PCDHB16: variants seen among roughly 807,000 people sequenced by gnomAD.
The protein encoded by PCDHB16 is protocadherin beta-16.
For synonymous variants in PCDHB16, 444 were observed against 436.5 expected (o/e 1.02, Z -0.21); for missense variants, 1,026 against 989.9 (o/e 1.04, Z -0.49).
At position 141,184,722 on chromosome 5, in the gene PCDHB16, G is replaced by T; in HGVS notation, c.2163G>T (p.Ser721=). ...TGTGCAGGAGGAGCAGGGCGGCCTCGGTGGGCCGCTGCTCGATGCCTGAGG... is the reference window on the plus strand; with the variant it reads ...TGTGCAGGAGGAGCAGGGCGGCCTCTGTGGGCCGCTGCTCGATGCCTGAGG... ...VRLCRRSRAA[S]VGRCSMPEGP... The change falls in exon 1 of 1, where the codon TCG becomes TCT. Residue 721 remains serine (S), a synonymous_variant. Coordinates refer to ENST00000609684, the MANE Select transcript of PCDHB16 (RefSeq NM_020957.4). 5 of 1,613,990 alleles carry T rather than the reference G, an allele frequency of 3.1e-6. No homozygotes were observed. The highest frequency in any genetic ancestry group is 4.2e-6 in the Non-Finnish European group (5 of 1,180,022).
At position 141,185,118 on chromosome 5, in the gene PCDHB16, A is replaced by G; in HGVS notation, c.*228A>G. ...CATATTTACCCCGAAGAGGTGTTGC[A>G]TATAGAATCCCAATTAACAAAATAT... On this transcript the variant is annotated 3_prime_UTR_variant, in exon 1 of 1. Coordinates refer to ENST00000609684, the MANE Select transcript of PCDHB16 (RefSeq NM_020957.4). 2.3e-6 allele frequency: 3 copies of G among 1,327,876 alleles called. No homozygotes were observed. Among genetic ancestry groups the G allele is most frequent in the Non-Finnish European group, 2.9e-6 (3 of 1,035,378 alleles). 82.3% of individuals were successfully genotyped at this position (1,327,876 alleles called of 1,614,324 possible).
Position 141,184,747 on chromosome 5 carries a change from G to A in PCDHB16, c.2188G>A (p.Gly730Ser). 1 of 1,614,186 alleles carries A rather than the reference G, an allele frequency of 6.2e-7. No individual in the cohort carries two copies. Among genetic ancestry groups the A allele is most frequent in the Non-Finnish European group, 8.5e-7 (1 of 1,180,034 alleles). The part of the protein sequence containing the change: ...ASVGRCSMPE[G>S]PFPGRLVDVS... ...GGTGGGCCGCTGCTCGATGCCTGAGGGCCCCTTTCCAGGGCGTCTGGTGGA... is the reference window on the plus strand; with the variant it reads ...GGTGGGCCGCTGCTCGATGCCTGAGAGCCCCTTTCCAGGGCGTCTGGTGGA... Residue 730 changes from glycine to serine, a missense_variant, in exon 1 of 1, where the codon GGC becomes AGC. By Grantham distance (56) the Gly-to-Ser change is moderately conservative. Transcript: ENST00000609684.
rs782422312 is a variant in PCDHB16, at chr5:141,183,107, A to C, written c.548A>C (p.His183Pro). ...SPSSHFRVLI[H>P]EFRDGRKYPE... ...AGCTCTCATTTCCGGGTTCTAATCC[A>C]TGAATTCAGAGATGGCAGGAAATAC... is the stretch of plus-strand genomic sequence containing the variant. Residue 183 changes from histidine to proline, a missense_variant, in exon 1 of 1, where the codon CAT becomes CCT. Physicochemically the swap from His to Pro is moderately conservative, Grantham distance 77. Transcript: ENST00000609684. The C allele has an allele frequency of 6.2e-7, 1 of 1,614,218 alleles. No individual in the cohort carries two copies. Among genetic ancestry groups the C allele is most frequent in the Admixed American group, 1.7e-5 (1 of 60,038 alleles).
In PCDHB16 at chr5:141,183,201, G is replaced by A. The variant is rs782302044; in HGVS notation, c.642G>A (p.Ala214=). The change falls in exon 1 of 1, where the codon GCG becomes GCA. Residue 214 remains alanine, a synonymous_variant. Coordinates refer to ENST00000609684, the MANE Select transcript of PCDHB16 (RefSeq NM_020957.4). ...EEPQLRLTLT[A]LDGGSPPRSG... ...CTCAACTAAGATTAACCCTGACAGCGCTGGATGGTGGCTCTCCACCGCGAT... is the reference window on the plus strand; with the variant it reads ...CTCAACTAAGATTAACCCTGACAGCACTGGATGGTGGCTCTCCACCGCGAT... 3.7e-6 allele frequency: 6 copies of A among 1,614,030 alleles called. No individual in the cohort carries two copies. In the East Asian group the frequency reaches 1.1e-4, roughly 30 times the overall value.
rs562680095 is a variant in PCDHB16 at position 141,183,752 on chromosome 5, A to G, written c.1193A>G (p.Lys398Arg). The change falls in exon 1 of 1, where the codon AAG (lysine) becomes AGG (arginine). Residue 398 changes from lysine to arginine, a missense_variant. Coordinates refer to ENST00000609684, the MANE Select transcript of PCDHB16 (RefSeq NM_020957.4). ...CCCTTTCTTCTAAAACCTTCAGTCAAGAACTTTTACACCTTGGTAACGGAG... is the reference window on the plus strand; with the variant it reads ...CCCTTTCTTCTAAAACCTTCAGTCAGGAACTTTTACACCTTGGTAACGGAG... Reference protein sequence around the residue: ...DLPFLLKPSVKNFYTLVTERA... With the variant: ...DLPFLLKPSVRNFYTLVTERA... The G allele has an allele frequency of 7.3e-5, 118 of 1,614,186 alleles. No individual in the cohort carries two copies. In the East Asian group the frequency reaches 1.8e-3, roughly 25 times the overall value.
chr5:141,183,793 GAAGC>G lies in PCDHB16; in HGVS notation c.1238_1241del (p.Ala413GlufsTer18), dbSNP rs1311299924. On this transcript the variant is annotated frameshift_variant, in exon 1 of 1. Coordinates refer to ENST00000609684, the MANE Select transcript of PCDHB16 (RefSeq NM_020957.4). LOFTEE classifies it low-confidence loss of function (END_TRUNC). ...GGTAACGGAGAGAGCACTCGACAGA[GAAGC>G]AAGAGCTGAATATAATATCACCCTC... 1.6e-5 allele frequency: 26 copies of G among 1,614,098 alleles called. No individual in the cohort carries two copies. The highest frequency in any genetic ancestry group is 2.1e-5 in the Non-Finnish European group (25 of 1,180,040).
In PCDHB16 at chr5:141,183,255, G is replaced by A; in HGVS notation, c.696G>A (p.Val232=). 6.2e-7 allele frequency: 1 copy of A among 1,614,156 alleles called. No individual in the cohort carries two copies. The change falls in exon 1 of 1, where the codon GTG becomes GTA. Residue 232 remains valine, a synonymous_variant. Coordinates refer to ENST00000609684, the MANE Select transcript of PCDHB16 (RefSeq NM_020957.4). The stretch of plus-strand genomic sequence containing the variant: ...GAACTGCTCAGGTCCGTATTGAAGT[G>A]GTGGACATCAATGATAACGCTCCTG... The part of the protein sequence containing the change: ...RSGTAQVRIE[V]VDINDNAPEF...
Position 141,182,968 on chromosome 5 carries a change from G to A in PCDHB16, c.409G>A (p.Glu137Lys). The A allele has an allele frequency of 6.2e-7, 1 of 1,614,164 alleles. No individual in the cohort carries two copies. The highest frequency in any genetic ancestry group is 8.5e-7 in the Non-Finnish European group (1 of 1,180,006). The change falls in exon 1 of 1, where the codon GAA (glutamate) becomes AAA (lysine). Residue 137 changes from glutamate to lysine, a missense_variant. Coordinates refer to ENST00000609684, the MANE Select transcript of PCDHB16 (RefSeq NM_020957.4). ...NDHSPMFTEK[E>K]MILKIPENSP... ...CCATTCTCCCATGTTCACTGAAAAG[G>A]AAATGATTCTAAAAATACCGGAAAA...
rs1220418678 is a variant in PCDHB16 at position 141,182,694 on chromosome 5, G to A, written c.135G>A (p.Val45=). 2 of 1,610,272 alleles carry A rather than the reference G, an allele frequency of 1.2e-6. No individual in the cohort carries two copies. Among genetic ancestry groups the A allele is most frequent in the East Asian group, 4.5e-5 (2 of 44,804 alleles). Residue 45 remains valine, a synonymous_variant, in exon 1 of 1, where the codon GTG becomes GTA. Coordinates refer to ENST00000609684, the MANE Select transcript of PCDHB16 (RefSeq NM_020957.4). ...VVEETERGSF[V]ANLGKDLGLG... ...AAGAAACGGAGAGAGGCTCTTTTGT[G>A]GCAAATCTAGGAAAAGACCTGGGGT...
Position 141,183,845 on chromosome 5 carries a change from C to G in PCDHB16, c.1286C>G (p.Pro429Arg). The G allele has an allele frequency of 1.9e-6, 3 of 1,614,208 alleles. No individual in the cohort carries two copies. The highest frequency in any genetic ancestry group is 2.5e-6 in the Non-Finnish European group (3 of 1,180,052). Residue 429 changes from proline to arginine, a missense_variant, in exon 1 of 1, where the codon CCA (proline) becomes CGA (arginine). By Grantham distance (103) the Pro-to-Arg change is moderately radical. Transcript: ENST00000609684. ...ITLTVTDMGT[P>R]RLKTEHNITV... ...CTCACCGTCACAGATATGGGGACTC[C>G]AAGGCTGAAAACGGAGCACAACATA...
At position 141,182,994 on chromosome 5, in the gene PCDHB16, C is replaced by T; in HGVS notation, c.435C>T (p.Asn145=). The T allele has an allele frequency of 6.2e-7, 1 of 1,614,188 alleles. No individual in the cohort carries two copies. The highest frequency in any genetic ancestry group is 1.1e-5 in the South Asian group (1 of 91,084). Residue 145 remains asparagine, a synonymous_variant, in exon 1 of 1, where the codon AAC becomes AAT. Coordinates refer to ENST00000609684, the MANE Select transcript of PCDHB16 (RefSeq NM_020957.4). ...AAATGATTCTAAAAATACCGGAAAA[C>T]AGTCCTCTAGGAACTGAGTTCCCTC... ...EKEMILKIPE[N]SPLGTEFPLN...
In PCDHB16 at chr5:141,182,899, T is replaced by A; in HGVS notation, c.340T>A (p.Leu114Ile). ...LHFQVLMENPLEIFQAELRVI... is the reference protein window; with the variant it reads ...LHFQVLMENPIEIFQAELRVI... ...TTTCCAAGTGTTAATGGAAAACCCT[T>A]TAGAAATATTTCAGGCTGAACTGAG... is the stretch of plus-strand genomic sequence containing the variant. The change falls in exon 1 of 1, where the codon TTA (leucine) becomes ATA (isoleucine). Residue 114 changes from leucine to isoleucine, a missense_variant. By Grantham distance (5) the Leu-to-Ile change is conservative. Transcript: ENST00000609684. 6.2e-7 allele frequency: 1 copy of A among 1,614,168 alleles called. No homozygotes were observed. Among genetic ancestry groups the A allele is most frequent in the Non-Finnish European group, 8.5e-7 (1 of 1,180,016 alleles).
In PCDHB16 at chr5:141,184,014, G is replaced by T. The variant is rs1410840298; in HGVS notation, c.1455G>T (p.Gln485His). The change falls in exon 1 of 1, where the codon CAG becomes CAT. Residue 485 changes from glutamine to histidine, a missense_variant. Gln to His is a conservative substitution (Grantham distance 24). Transcript: ENST00000609684. ...ATDRDSGTNA[Q>H]VTYSLLPPQD... Reference sequence around the variant, plus strand: ...ACAGAGACTCGGGCACCAACGCCCAGGTCACCTACTCGCTGCTGCCGCCCC... The same window carrying T: ...ACAGAGACTCGGGCACCAACGCCCATGTCACCTACTCGCTGCTGCCGCCCC... 6.2e-7 allele frequency: 1 copy of T among 1,607,154 alleles called. No homozygotes were observed. Among genetic ancestry groups the T allele is most frequent in the Non-Finnish European group, 8.5e-7 (1 of 1,178,786 alleles).
In PCDHB16 at chr5:141,183,715, C is replaced by A. The variant is rs782379406; in HGVS notation, c.1156C>A (p.Gln386Lys). 2.4e-5 allele frequency: 39 copies of A among 1,614,168 alleles called. No individual in the cohort carries two copies. The highest frequency in any genetic ancestry group is 3.2e-5 in the Non-Finnish European group (38 of 1,180,028). The change falls in exon 1 of 1, where the codon CAG becomes AAG. Residue 386 changes from glutamine to lysine, a missense_variant. By Grantham distance (53) the Gln-to-Lys change is moderately conservative. Coordinates refer to ENST00000609684, the MANE Select transcript of PCDHB16 (RefSeq NM_020957.4). ...GNNGKTISSI[Q>K]EDLPFLLKPS... ...CAATGGGAAGACGATTTCCTCCATC[C>A]AGGAAGACCTTCCCTTTCTTCTAAA...
In PCDHB16 at chr5:141,183,615, C is replaced by A; in HGVS notation, c.1056C>A (p.Leu352=). ...DNPPQVTMSA[L]TSPIPENSPE... is the part of the protein sequence containing the mutation. The stretch of plus-strand genomic sequence containing the variant: ...CCCCACAGGTGACCATGTCTGCACT[C>A]ACCAGCCCCATCCCAGAGAACTCGC... Residue 352 remains leucine (L), a synonymous_variant, in exon 1 of 1, where the codon CTC becomes CTA. Coordinates refer to ENST00000609684, the MANE Select transcript of PCDHB16 (RefSeq NM_020957.4). 6.2e-7 allele frequency: 1 copy of A among 1,614,168 alleles called. No individual in the cohort carries two copies. Among genetic ancestry groups the A allele is most frequent in the Non-Finnish European group, 8.5e-7 (1 of 1,180,032 alleles).
Position 141,185,185 on chromosome 5 carries a change from T to C in PCDHB16, c.*295T>C, listed in dbSNP as rs1753692396. 3 of 1,112,406 alleles carry C rather than the reference T, an allele frequency of 2.7e-6. No individual in the cohort carries two copies. 68.9% of individuals were successfully genotyped at this position (1,112,406 alleles called of 1,614,324 possible). ...TGATGTCATTTAAAATTTTTCCGTC[T>C]TTATATTTTATTTACTTCCTATTCA... On this transcript the variant is annotated 3_prime_UTR_variant, in exon 1 of 1. Coordinates refer to ENST00000609684, the MANE Select transcript of PCDHB16 (RefSeq NM_020957.4).
rs1397032707 is a variant in PCDHB16, at chr5:141,183,914, C to T, written c.1355C>T (p.Thr452Ile). 2 of 1,614,034 alleles carry T rather than the reference C, an allele frequency of 1.2e-6. No individual in the cohort carries two copies. The highest frequency in any genetic ancestry group is 1.3e-5 in the African/African-American group (1 of 74,902). Reference sequence around the variant, plus strand: ...GTCAATGATAACGCCCCCACTTTCACCCAAACCTCCTACACCCTGTTCGTC... The same window carrying T: ...GTCAATGATAACGCCCCCACTTTCATCCAAACCTCCTACACCCTGTTCGTC... Reference protein sequence around the residue: ...SDVNDNAPTFTQTSYTLFVRE... With the variant: ...SDVNDNAPTFIQTSYTLFVRE... The change falls in exon 1 of 1, where the codon ACC (threonine) becomes ATC (isoleucine). Residue 452 changes from threonine to isoleucine, a missense_variant. Transcript: ENST00000609684.
Position 141,185,017 on chromosome 5 carries a change from C to A in PCDHB16, c.*127C>A, listed in dbSNP as rs1391195518. 4 of 1,465,298 alleles carry A rather than the reference C, an allele frequency of 2.7e-6. No homozygotes were observed. The highest frequency in any genetic ancestry group is 3.6e-6 in the Non-Finnish European group (4 of 1,108,334). 90.8% of individuals were successfully genotyped at this position (1,465,298 alleles called of 1,614,324 possible). ...TGTCTTGTTGATTAAATTGTTCATG[C>A]TCACCACCACCAATAAGGTATTTTT... On this transcript the variant is annotated 3_prime_UTR_variant, in exon 1 of 1. Transcript: ENST00000609684.
chr5:141,183,340 G>C lies in PCDHB16; in HGVS notation c.781G>C (p.Val261Leu). 1 of 1,614,192 alleles carries C rather than the reference G, an allele frequency of 6.2e-7. No individual in the cohort carries two copies. Among genetic ancestry groups the C allele is most frequent in the Non-Finnish European group, 8.5e-7 (1 of 1,180,044 alleles). ...AGAGAACAGTCCTCTTGGCTCCCTGGTTGCCACCGTCTCCGCCAGGGATTT... is the reference window on the plus strand; with the variant it reads ...AGAGAACAGTCCTCTTGGCTCCCTGCTTGCCACCGTCTCCGCCAGGGATTT... ...IPENSPLGSL[V>L]ATVSARDLDG... Residue 261 changes from valine to leucine, a missense_variant, in exon 1 of 1, where the codon GTT becomes CTT. Physicochemically the swap from Val to Leu is conservative, Grantham distance 32 (BLOSUM62 1). Transcript: ENST00000609684.
Sources: gnomAD v4.1 joint callset for allele counts on GRCh38, gnomAD v4.1.1 for gene constraint, MANE v1.5 for transcripts, NCBI Gene and HGNC (gene_info 2026-07-23, HGNC 2026-07-21) for gene names.